The following DLC1 variants were observed in gnomAD, a reference collection of about 807,000 sequenced individuals.
DLC1 encodes rho GTPase-activating protein 7.
Under a neutral mutation model 140.3 loss-of-function variants are expected in DLC1, and 54 were observed. The observed-to-expected ratio is 0.38, with a 90% CI of 0.31 to 0.48. DLC1 has a LOEUF of 0.48. Ranked by LOEUF, DLC1 falls within the 20% of genes least tolerant of loss-of-function variation. DLC1 has a pLI of 0.96. For synonymous variants in DLC1, 986 were observed against 728.1 expected (o/e 1.35, Z -5.70); for missense variants, 2,536 against 1,907.0 (o/e 1.33, Z -6.14).
intron 5 of DLC1, among the ~76,000 whole-genome samples, chr8:13,257,703 G>T (rs1830297758): frequency 7.2e-6 from 1 of 139,068 alleles, no homozygotes; most frequent in Non-Finnish European, 1.5e-5. Flanking sequence ...CTTTGTTTAT[G>T]TCAACTACGG....
chr8:13,134,154 A>G (rs887937546), intron 5 of DLC1, among the ~76,000 whole-genome samples: 3 of 152,232 alleles, frequency 2.0e-5, no homozygotes, highest in East Asian at 1.9e-4. Flanking sequence ...CCCCTGATGT[A>G]TTAGGAAGCC....
intron 5 of DLC1, among the ~76,000 whole-genome samples, chr8:13,185,324 T>TTTTTTTA (rs57580943): frequency 1.5e-5 from 2 of 136,242 alleles, no homozygotes; most frequent in African/African-American, 2.8e-5. Flanking sequence ...TTGTTTGTTT[T>TTTTTTTA]TGAGATGGAG....
chr8:13,341,373 G>A (rs1404883947), intron 4 of DLC1: 3 of 152,108 alleles, frequency 2.0e-5, no homozygotes, highest in South Asian at 2.1e-4. Flanking sequence ...CTTCAGCTTC[G>A]AGCAGTTCTT....
intron 1 of DLC1, among the ~76,000 whole-genome samples, chr8:13,588,434 G>C (rs1805404804): frequency 6.6e-6 from 1 of 152,052 alleles, no homozygotes; most frequent in Non-Finnish European, 1.5e-5. Context: ...CAGAGAAAGA[G>C]AGCAGAGACC....
intron 2 of DLC1, among the ~76,000 whole-genome samples, chr8:13,460,681 T>C (rs952375544): frequency 7.2e-5 from 11 of 152,340 alleles, no homozygotes; most frequent in Middle Eastern, 3.4e-3. Flanking sequence ...GGGACGCAGA[T>C]AGACACTTCT....
chr8:13,320,231 T>G (rs188750954), intron 4 of DLC1, among the ~76,000 whole-genome samples: 1 of 152,308 alleles, frequency 6.6e-6, no homozygotes, highest in East Asian at 1.9e-4. Flanking sequence ...TAGAATAAAA[T>G]GCTGCTTTAT....
At chr8:13,293,628 CA>C (rs1831844114) in intron 5 of DLC1, among the ~76,000 whole-genome samples, 1 of 152,256 alleles carries the variant, frequency 6.6e-6, no homozygotes, top group South Asian at 2.1e-4. Flanking sequence ...TTTCTGCTTT[CA>C]AGGAGCTCTT....
At chr8:13,284,782 A>C (rs750120556) in intron 5 of DLC1, among the ~76,000 whole-genome samples, 11 of 152,220 alleles carry the variant, frequency 7.2e-5, no homozygotes, top group Admixed American at 1.3e-4. Context: ...AATACCATGC[A>C]TGATTAAAAA....
chr8:13,357,262 G>A (rs562575245), intron 4 of DLC1, among the ~76,000 whole-genome samples: 1 of 152,144 alleles, frequency 6.6e-6, no homozygotes, highest in Non-Finnish European at 1.5e-5. Context: ...CAGAGTGAGA[G>A]TCTGTCAAAC....
rs898739796 is a variant in DLC1, at chr8:13,508,486, G to C, written c.-126+6116C>G. On this transcript the variant is annotated intron_variant, in intron 1 of 17. Transcript: ENST00000276297. ...AGGCTGGAGTGCAGTGGCGCGATCT[G>C]GGCTCACTGCAAGCTCTGCCTCCCG... Among the ~76,000 whole-genome samples, 4 of 149,790 alleles carry C rather than the reference G, an allele frequency of 2.7e-5. 1 individual carries two copies. In the Middle Eastern group the frequency reaches 0.014, roughly 524 times the overall value.
chr8:13,557,558 T>C (rs545089720), intron 1 of DLC1: 1 of 152,316 alleles, frequency 6.6e-6, no homozygotes, highest in Non-Finnish European at 1.5e-5. Context: ...GTTTTCCCCT[T>C]GCTGTTCTTA....
chr8:13,190,298 A>C (rs542823825), intron 5 of DLC1, among the ~76,000 whole-genome samples: 1 of 151,838 alleles, frequency 6.6e-6, no homozygotes, highest in Non-Finnish European at 1.5e-5. Context: ...GGCTTTGGAG[A>C]TATCTATGGG....
chr8:13,368,943 C>A (rs1835611650), intron 4 of DLC1, among the ~76,000 whole-genome samples: 1 of 152,126 alleles, frequency 6.6e-6, no homozygotes, highest in Non-Finnish European at 1.5e-5. Context: ...CCTGCCTCAG[C>A]CTCCCAAGTA....
At chr8:13,303,146 C>T (rs1394515800) in intron 5 of DLC1, among the ~76,000 whole-genome samples, 2 of 152,144 alleles carry the variant, frequency 1.3e-5, no homozygotes, top group African/African-American at 4.8e-5. Context: ...AATATATCAG[C>T]ATATCCTCCA....
At chr8:13,504,740 T>C (rs1228431722) in intron 1 of DLC1, among the ~76,000 whole-genome samples, 1 of 152,100 alleles carries the variant, frequency 6.6e-6, no homozygotes, top group African/African-American at 2.4e-5. Flanking sequence ...GGATGGGAAA[T>C]TATGTCTGCC....
intron 5 of DLC1, among the ~76,000 whole-genome samples, chr8:13,250,370 G>T (rs955365035): frequency 5.3e-5 from 8 of 152,152 alleles, no homozygotes; most frequent in Admixed American, 1.3e-4. Context: ...GGCCCACACA[G>T]TATCATTTCT....
chr8:13,343,568 G>A (rs1023541547), intron 4 of DLC1, among the ~76,000 whole-genome samples: 2 of 152,292 alleles, frequency 1.3e-5, no homozygotes, highest in East Asian at 3.9e-4. Flanking sequence ...TTTTAAACAT[G>A]TTTGTACAGC....
At chr8:13,121,244 C>G (rs762507534) in intron 5 of DLC1, among the ~76,000 whole-genome samples, 38 of 152,142 alleles carry the variant, frequency 2.5e-4, no homozygotes, top group African/African-American at 9.2e-4. Flanking sequence ...CAGCTGTGTG[C>G]AGGCAGGTGG....
intron 1 of DLC1, among the ~76,000 whole-genome samples, chr8:13,537,803 G>A (rs536400259): frequency 2.6e-5 from 4 of 151,898 alleles, no homozygotes; most frequent in Admixed American, 1.3e-4. Flanking sequence ...ACAGGCGCCC[G>A]CCACCATGCC....
Sources: gnomAD v4.1 joint callset for allele counts (sites outside exome capture counted in the v4.1 genomes callset) on GRCh38, gnomAD v4.1.1 for gene constraint, MANE v1.5 for transcripts, NCBI Gene and HGNC (gene_info 2026-07-23, HGNC 2026-07-21) for gene names.